DGKB: variants seen among roughly 807,000 people sequenced by gnomAD.
DGKB encodes the protein diacylglycerol kinase beta, also known as 90 kDa diacylglycerol kinase.
DGKB carries 67 observed loss-of-function variants against 114.3 expected under a neutral mutation model. The observed-to-expected ratio is 0.59, with a 90% confidence interval of 0.48 to 0.72. The LOEUF (loss-of-function observed/expected upper bound fraction) is 0.72, where lower values mean the gene tolerates loss of function less well. Among genes scored for constraint, DGKB ranks in the 30% least tolerant of loss-of-function variants. The pLI is 0.00. For missense variants in DGKB, 907 were observed against 975.2 expected (o/e 0.93, Z 0.93); for synonymous variants, 398 against 323.1 (o/e 1.23, Z -2.49).
intron 9 of DGKB, among the ~76,000 whole-genome samples, chr7:14,689,203 T>TTTTTATTTTTA (rs1234086017): frequency 1.8e-5 from 2 of 113,618 alleles, no homozygotes; most frequent in South Asian, 3.3e-4. Flanking sequence ...CCTCTTATTT[T>TTTTTATTTTTA]TTTTTTTTTT....
At chr7:14,833,227 T>A (rs1276804685) in intron 2 of DGKB, among the ~76,000 whole-genome samples, 1 of 152,132 alleles carries the variant, frequency 6.6e-6, no homozygotes, top group Non-Finnish European at 1.5e-5. Context: ...CCTAATAGGT[T>A]TTTAGTCTCC....
chr7:14,555,253 T>C (rs981624238), intron 20 of DGKB, among the ~76,000 whole-genome samples: 1 of 152,212 alleles, frequency 6.6e-6, no homozygotes, highest in Non-Finnish European at 1.5e-5. Flanking sequence ...CTAACAAATA[T>C]TAAATATTCT....
At chr7:14,821,528 A>C (rs1280645398) in intron 2 of DGKB, among the ~76,000 whole-genome samples, 1 of 152,138 alleles carries the variant, frequency 6.6e-6, no homozygotes, top group African/African-American at 2.4e-5. Context: ...GAAGCTTGGG[A>C]AAAATAAAAA....
chr7:14,183,142 C>T (rs1015910261), intron 23 of DGKB, among the ~76,000 whole-genome samples: 4 of 152,102 alleles, frequency 2.6e-5, no homozygotes, highest in Admixed American at 2.0e-4. Flanking sequence ...TGTATGCCTT[C>T]CAGTGATGTT....
intron 21 of DGKB, among the ~76,000 whole-genome samples, chr7:14,382,338 C>A (rs1360199212): frequency 5.9e-5 from 9 of 151,474 alleles, no homozygotes; most frequent in Non-Finnish European, 1.2e-4. Context: ...CACATACAAC[C>A]TATAGAGAGG....
intron 14 of DGKB, among the ~76,000 whole-genome samples, chr7:14,627,378 G>A (rs1182179367): frequency 1.3e-5 from 2 of 152,002 alleles, no homozygotes; most frequent in Non-Finnish European, 2.9e-5. Context: ...CATAAGTCCC[G>A]GTTTTCACAC....
intron 23 of DGKB, among the ~76,000 whole-genome samples, chr7:14,205,396 G>C (rs780025462): frequency 1.3e-5 from 2 of 151,704 alleles, no homozygotes; most frequent in African/African-American, 2.4e-5. Flanking sequence ...CTTTTCTTAT[G>C]TTTTAAAGCT....
At chr7:14,405,508 G>T (rs1823798272) in intron 21 of DGKB, among the ~76,000 whole-genome samples, 1 of 151,962 alleles carries the variant, frequency 6.6e-6, no homozygotes, top group African/African-American at 2.4e-5. Context: ...GATATAATCA[G>T]ATTTTATGCA....
At chr7:14,708,555 C>T (rs1433256235) in intron 6 of DGKB, among the ~76,000 whole-genome samples, 1 of 151,462 alleles carries the variant, frequency 6.6e-6, no homozygotes, top group Admixed American at 6.6e-5. Context: ...CACTACCTGA[C>T]TTCAAACTAT....
intron 20 of DGKB, among the ~76,000 whole-genome samples, chr7:14,522,339 A>G (rs745327333): frequency 6.6e-6 from 1 of 152,150 alleles, no homozygotes; most frequent in Admixed American, 6.6e-5. Flanking sequence ...CATAAACTCC[A>G]GTCAACCTGA....
chr7:14,215,188 A>G (rs977149149), intron 23 of DGKB, among the ~76,000 whole-genome samples: 2 of 152,172 alleles, frequency 1.3e-5, no homozygotes, highest in African/African-American at 4.8e-5. Context: ...GATTTCTCAT[A>G]CAGAATAAAC....
At chr7:14,530,037 T>C (rs905286152) in intron 20 of DGKB, among the ~76,000 whole-genome samples, 1 of 151,688 alleles carries the variant, frequency 6.6e-6, no homozygotes, top group Non-Finnish European at 1.5e-5. Flanking sequence ...TCAGGATCGA[T>C]TAATTCATGT....
intron 20 of DGKB, among the ~76,000 whole-genome samples, chr7:14,508,609 C>A (rs1447345425): frequency 6.6e-6 from 1 of 151,954 alleles, no homozygotes; most frequent in African/African-American, 2.4e-5. Context: ...AAAAGGCTCC[C>A]AGAATCTCTA....
chr7:14,558,759 C>T (rs1000305745), intron 20 of DGKB, among the ~76,000 whole-genome samples: 7 of 152,102 alleles, frequency 4.6e-5, no homozygotes, highest in Non-Finnish European at 7.3e-5. Context: ...TGTTGGAGAC[C>T]AGAACACTCC....
intron 13 of DGKB, among the ~76,000 whole-genome samples, chr7:14,658,154 T>C (rs1408115817): frequency 6.6e-6 from 1 of 151,846 alleles, no homozygotes; most frequent in Non-Finnish European, 1.5e-5. Context: ...CTGAGGGTGT[T>C]ATAGGTAGAG....
chr7:14,354,157 A>G (rs1253118072), intron 21 of DGKB, among the ~76,000 whole-genome samples: 1 of 152,194 alleles, frequency 6.6e-6, no homozygotes, highest in African/African-American at 2.4e-5. Context: ...AAAAATATTT[A>G]AGATATGGTA....
chr7:14,513,514 G>A (rs1175289481), intron 20 of DGKB, among the ~76,000 whole-genome samples: 1 of 151,902 alleles, frequency 6.6e-6, no homozygotes, highest in Non-Finnish European at 1.5e-5. Context: ...CATTCTGGGA[G>A]CAATTAGCAC....
intron 15 of DGKB, among the ~76,000 whole-genome samples, chr7:14,616,137 C>T (rs1298599297): frequency 6.7e-6 from 1 of 149,922 alleles, no homozygotes; most frequent in African/African-American, 2.4e-5. Context: ...TACTCCATCA[C>T]TACCACTCCC....
intron 1 of DGKB, among the ~76,000 whole-genome samples, chr7:14,938,742 T>C (rs1179723860): frequency 1.3e-5 from 2 of 152,214 alleles, no homozygotes; most frequent in Non-Finnish European, 2.9e-5. Flanking sequence ...ATTAGGTTAC[T>C]AGTGCTGTAC....
Sources: gnomAD v4.1 joint callset for allele counts (sites outside exome capture counted in the v4.1 genomes callset) on GRCh38, gnomAD v4.1.1 for gene constraint, MANE v1.5 for transcripts, NCBI Gene and HGNC (gene_info 2026-07-23, HGNC 2026-07-21) for gene names.